Variants in FBXL7 observed in about 807,000 individuals in gnomAD.
FBXL7 encodes the protein F-box and leucine rich repeat protein 7, also known as F-box/LRR-repeat protein 7.
In FBXL7, 12 loss-of-function variants were observed where a neutral mutation model predicts 38.3. That is an observed-to-expected ratio of 0.31 (90% CI 0.20 to 0.51). The LOEUF (loss-of-function observed/expected upper bound fraction) is 0.51, where lower values mean the gene tolerates loss of function less well. FBXL7 is among the 20% of genes least tolerant of loss of function. The pLI is 0.98. For missense variants in FBXL7, 567 were observed against 676.4 expected, an observed-to-expected ratio of 0.84 and a Z score of 1.79; for synonymous variants, 297 against 300.9, an observed-to-expected ratio of 0.99 and a Z score of 0.13.
chr5:15,917,026 T>A (rs1272982781), intron 2 of FBXL7, among the ~76,000 whole-genome samples: 4 of 152,202 alleles, frequency 2.6e-5, no homozygotes, highest in Admixed American at 2.6e-4. Context: ...GGTAGACTTA[T>A]TTCCAGTTTA....
At chr5:15,563,662 C>G (rs1392183095) in intron 1 of FBXL7, among the ~76,000 whole-genome samples, 1 of 152,078 alleles carries the variant, frequency 6.6e-6, no homozygotes, top group African/African-American at 2.4e-5. Context: ...CCAGCTTCCT[C>G]TATGGAGTCA....
At chr5:15,777,483 A>C (rs575562788) in intron 2 of FBXL7, among the ~76,000 whole-genome samples, 1 of 152,008 alleles carries the variant, frequency 6.6e-6, no homozygotes, top group Non-Finnish European at 1.5e-5. Context: ...ATTGACAATG[A>C]TGGAAATCAC....
At chr5:15,690,772 G>T (rs1743156822) in intron 2 of FBXL7, among the ~76,000 whole-genome samples, 1 of 152,190 alleles carries the variant, frequency 6.6e-6, no homozygotes, top group South Asian at 2.1e-4. Flanking sequence ...TAGAATGATG[G>T]TTACCAGAGG....
chr5:15,873,844 G>A (rs1006594447), intron 2 of FBXL7, among the ~76,000 whole-genome samples: 2 of 152,156 alleles, frequency 1.3e-5, no homozygotes, highest in Admixed American at 1.3e-4. Flanking sequence ...GGTACAAAGA[G>A]GAGCTGGTAC....
intron 2 of FBXL7, among the ~76,000 whole-genome samples, chr5:15,868,626 G>T (rs1739820187): frequency 6.6e-6 from 1 of 152,146 alleles, no homozygotes; most frequent in Non-Finnish European, 1.5e-5. Flanking sequence ...TATAGGTAAA[G>T]CACTCAGAAG....
chr5:15,770,693 T>C (rs529422185), intron 2 of FBXL7, among the ~76,000 whole-genome samples: 2 of 152,350 alleles, frequency 1.3e-5, no homozygotes, highest in East Asian at 3.9e-4. Context: ...CCATTTCATA[T>C]TATTCTTGTA....
At chr5:15,556,374 C>T (rs2126430342) in intron 1 of FBXL7, among the ~76,000 whole-genome samples, 1 of 152,244 alleles carries the variant, frequency 6.6e-6, no homozygotes, top group Admixed American at 6.5e-5. Flanking sequence ...TTGTTCATTT[C>T]AGGCCCTCCC....
At chr5:15,533,174 A>G (rs1442471475) in intron 1 of FBXL7, among the ~76,000 whole-genome samples, 2 of 152,202 alleles carry the variant, frequency 1.3e-5, no homozygotes, top group Non-Finnish European at 2.9e-5. Context: ...AGATTACATG[A>G]CATTGGCCAA....
chr5:15,521,418 T>C (rs975282383), intron 1 of FBXL7, among the ~76,000 whole-genome samples: 1 of 152,144 alleles, frequency 6.6e-6, no homozygotes, highest in African/African-American at 2.4e-5. Flanking sequence ...AAATAAGCAG[T>C]GAGAGATGGT....
At chr5:15,731,236 A>G (rs1579415388) in intron 2 of FBXL7, among the ~76,000 whole-genome samples, 1 of 152,190 alleles carries the variant, frequency 6.6e-6, no homozygotes, top group Admixed American at 6.5e-5. Context: ...AGACTGGGCA[A>G]TTTACAAAGG....
chr5:15,685,983 G>T (rs538771082), intron 2 of FBXL7, among the ~76,000 whole-genome samples: 1 of 152,116 alleles, frequency 6.6e-6, no homozygotes, highest in Non-Finnish European at 1.5e-5. Context: ...ACAGTCCCGG[G>T]GGGAGACAAG....
rs1162891554 is a variant in FBXL7 at position 15,746,162 on chromosome 5, A to G, written c.127+130090A>G. Among the ~76,000 whole-genome samples the G allele has an allele frequency of 2.0e-5, 3 of 152,308 alleles. No individual in the cohort carries two copies. The East Asian group carries it at 5.8e-4, about 29-fold the overall frequency. On this transcript the variant is annotated intron_variant, in intron 2 of 3. Transcript: ENST00000504595. ...GCTTAGCCTGAAAAGTTGGGTGAATACTATTTAATGACTCAAGGAAAATTA... is the reference window on the plus strand; with the variant it reads ...GCTTAGCCTGAAAAGTTGGGTGAATGCTATTTAATGACTCAAGGAAAATTA...
rs117755217 is a variant in FBXL7, at chr5:15,825,974, G to T, written c.128-101916G>T. On this transcript the variant is annotated intron_variant, in intron 2 of 3. Transcript: ENST00000504595. The stretch of plus-strand genomic sequence containing the variant: ...TAGCGCTCATTGCCCTGTGCCTGAA[G>T]TATATCCTATAAGCTTCCTTAAGGA... Among the ~76,000 whole-genome samples the T allele has an allele frequency of 1.5e-3, 227 of 152,316 alleles. 6 individuals are homozygous for T. In the East Asian group the frequency reaches 0.037, roughly 25 times the overall value.
intron 2 of FBXL7, among the ~76,000 whole-genome samples, chr5:15,765,014 A>T (rs1247539589): frequency 6.6e-6 from 1 of 152,224 alleles, no homozygotes; most frequent in African/African-American, 2.4e-5. Flanking sequence ...TAATTAAATA[A>T]AATTATTGTA....
intron 1 of FBXL7, chr5:15,501,570 G>T (rs1030634726): frequency 4.1e-6 from 4 of 985,542 alleles, no homozygotes; most frequent in South Asian, 4.7e-5. Flanking sequence ...GGAAGAGACC[G>T]GGTCAGTTTT....
At chr5:15,764,967 C>T (rs1736547747) in intron 2 of FBXL7, among the ~76,000 whole-genome samples, 1 of 152,080 alleles carries the variant, frequency 6.6e-6, no homozygotes, top group African/African-American at 2.4e-5. Context: ...CAAATTTCTA[C>T]AAATTTTTTA....
rs1742217707 is a variant in FBXL7, at chr5:15,937,119, C to T, written c.1409C>T (p.Ala470Val). 4 of 1,612,478 alleles carry T rather than the reference C, an allele frequency of 2.5e-6. No homozygotes were observed. The highest frequency in any genetic ancestry group is 2.5e-6 in the Non-Finnish European group (3 of 1,178,968). The change falls in exon 4 of 4, where the codon GCC becomes GTC. Residue 470 changes from alanine to valine, a missense_variant. Coordinates refer to ENST00000504595, the MANE Select transcript of FBXL7 (RefSeq NM_012304.5). ...NVQDCEVSVE[A>V]LRFVKRHCKR... ...CAGGACTGCGAGGTCTCCGTGGAGG[C>T]CCTGCGCTTTGTCAAACGCCACTGC...
At chr5:15,930,158 G>T (rs1742001618) in intron 3 of FBXL7, among the ~76,000 whole-genome samples, 1 of 152,176 alleles carries the variant, frequency 6.6e-6, no homozygotes, top group Non-Finnish European at 1.5e-5. Flanking sequence ...GTCATGAGTA[G>T]CCAGTGGCAT....
Position 15,937,945 on chromosome 5 carries a change from T to C in FBXL7, c.*759T>C, listed in dbSNP as rs1742246219. On this transcript the variant is annotated 3_prime_UTR_variant, in exon 4 of 4. Coordinates refer to ENST00000504595, the MANE Select transcript of FBXL7 (RefSeq NM_012304.5). ...GAGATACCCATACACAGAAGCACCT[T>C]GGCATAGAGCACCCAGGCATCGACC... The C allele has an allele frequency of 6.6e-6, 1 of 152,196 alleles. No individual in the cohort carries two copies. Among genetic ancestry groups the C allele is most frequent in the Non-Finnish European group, 1.5e-5 (1 of 68,100 alleles). The allele number at this position is 152,196 out of a possible 1,614,324, so 9.4% of individuals were successfully genotyped here.
Sources: gnomAD v4.1 joint callset for allele counts (sites outside exome capture counted in the v4.1 genomes callset) on GRCh38, gnomAD v4.1.1 for gene constraint, MANE v1.5 for transcripts, NCBI Gene and HGNC (gene_info 2026-07-23, HGNC 2026-07-21) for gene names.